Variants in SRD5A1 observed in about 807,000 individuals in gnomAD.
SRD5A1 encodes the protein steroid 5 alpha-reductase 1.
A neutral mutation model predicts 28.2 loss-of-function variants in SRD5A1; 22 were observed. The observed-to-expected ratio is 0.78, with a 90% confidence interval of 0.56 to 1.12. The LOEUF (loss-of-function observed/expected upper bound fraction) is 1.12, where lower values mean the gene tolerates loss of function less well. Ranked by LOEUF, SRD5A1 falls within the 50% of genes most tolerant of loss-of-function variation. The pLI, the probability that SRD5A1 is intolerant of heterozygous loss-of-function variation, is 0.00. For missense variants in SRD5A1, 300 were observed against 346.7 expected (o/e 0.87, Z 1.07); for synonymous variants, 151 against 135.0 (o/e 1.12, Z -0.82).
chr5:6,656,036 C>T (rs199556387), intron 2 of SRD5A1, 42 bp from the exon 3 acceptor site: 122 of 1,471,648 alleles, frequency 8.3e-5, no homozygotes, highest in South Asian at 3.2e-4. Flanking sequence ...TGAAATTTTA[C>T]GGTTTATTAG....
intron 1 of SRD5A1, among the ~76,000 whole-genome samples, chr5:6,650,807 C>T (rs1371875778): frequency 1.4e-5 from 2 of 143,862 alleles, no homozygotes; most frequent in African/African-American, 2.6e-5. Context: ...CCCCACCCCA[C>T]AACAGTCCCC....
At position 6,651,957 on chromosome 5, in the gene SRD5A1, C is replaced by G; in HGVS notation, c.409C>G (p.His137Asp). 8 of 1,614,148 alleles carry G rather than the reference C, an allele frequency of 5.0e-6. No homozygotes were observed. The highest frequency in any genetic ancestry group is 6.8e-6 in the Non-Finnish European group (8 of 1,180,004). ...NGYLQSRYLS[H>D]CAVYADDWVT... Reference sequence around the variant, plus strand: ...CTATTTGCAAAGCAGATACTTGAGCCATTGTGCAGTGTATGCTGATGACTG... The same window carrying G: ...CTATTTGCAAAGCAGATACTTGAGCGATTGTGCAGTGTATGCTGATGACTG... The change falls in exon 2 of 5, where the codon CAT becomes GAT. Residue 137 changes from histidine to aspartate, a missense_variant. Physicochemically the swap from His to Asp is moderately conservative, Grantham distance 81. Coordinates refer to ENST00000274192, the MANE Select transcript of SRD5A1 (RefSeq NM_001047.4).
intron 3 of SRD5A1, 81 bp downstream of exon 3, chr5:6,656,260 G>T (rs1252814893): frequency 9.0e-6 from 9 of 1,002,356 alleles, no homozygotes; most frequent in Non-Finnish European, 1.4e-5. Flanking sequence ...GCTCTAAGAA[G>T]TAGTAGCGTA....
In SRD5A1 at chr5:6,667,509, A is replaced by G. The variant is rs188248241; in HGVS notation, c.714-693A>G. 2.0e-3 allele frequency among the ~76,000 whole-genome samples: 310 copies of G among 152,274 alleles called. 4 individuals carry two copies. Among genetic ancestry groups the G allele is most frequent in the African/African-American group, 7.0e-3 (292 of 41,548 alleles). ...TTGTTTAATCTTTCTGTGTGTGTTT[A>G]TAGAAACTCCCTTTCTCCATCTTGT... On this transcript the variant is annotated intron_variant, in intron 4 of 4. Transcript: ENST00000274192.
chr5:6,664,832 C>T (rs893832174), intron 4 of SRD5A1, among the ~76,000 whole-genome samples: 3 of 152,224 alleles, frequency 2.0e-5, no homozygotes, highest in South Asian at 2.1e-4. Flanking sequence ...GAGGAGAGAG[C>T]GAGATCAGAG....
At chr5:6,650,411 GAAAA>G (rs563990147) in intron 1 of SRD5A1, among the ~76,000 whole-genome samples, 1 of 112,548 alleles carries the variant, frequency 8.9e-6, no homozygotes. Flanking sequence ...ACCCTGTCTT[GAAAA>G]AAAAAAAAAA....
At chr5:6,656,907 C>T (rs549242927) in intron 3 of SRD5A1, among the ~76,000 whole-genome samples, 4 of 152,000 alleles carry the variant, frequency 2.6e-5, no homozygotes, top group South Asian at 4.2e-4. Flanking sequence ...TGAGGGAGAG[C>T]GTAATTCAAC....
At position 6,648,493 on chromosome 5, in the gene SRD5A1, C is replaced by T. The variant is rs560591275; in HGVS notation, c.294-3349C>T. 1.2e-4 allele frequency among the ~76,000 whole-genome samples: 19 copies of T among 152,204 alleles called. No individual in the cohort carries two copies. In the South Asian group the frequency reaches 3.5e-3, roughly 28 times the overall value. On this transcript the variant is annotated intron_variant, in intron 1 of 4. Transcript: ENST00000274192. ...TGTTTCTTTTCACTCTAAGTCTTCT[C>T]GCTTTATTTCATTGAGTTGATCTTC...
chr5:6,663,733 G>A (rs995806043), intron 4 of SRD5A1, among the ~76,000 whole-genome samples: 4 of 151,996 alleles, frequency 2.6e-5, no homozygotes, highest in Non-Finnish European at 4.4e-5. Flanking sequence ...GGTGGCGGGC[G>A]CCTGTAATCC....
chr5:6,662,744 T>G (rs1739045840), intron 3 of SRD5A1, 72 bp from the exon 4 acceptor site: 2 of 1,517,816 alleles, frequency 1.3e-6, no homozygotes, highest in East Asian at 4.5e-5. Flanking sequence ...CAGGTAAGTA[T>G]TCACTAGCAT....
intron 1 of SRD5A1, among the ~76,000 whole-genome samples, chr5:6,644,526 G>A (rs8192177): frequency 2.6e-5 from 4 of 152,010 alleles, no homozygotes; most frequent in South Asian, 2.1e-4. Context: ...GCTCTTTGCC[G>A]CATTGAGAAT....
chr5:6,633,642 C>T lies in SRD5A1; in HGVS notation c.66C>T (p.Ala22=). 1 of 1,558,220 alleles carries T rather than the reference C, an allele frequency of 6.4e-7. No individual in the cohort carries two copies. The highest frequency in any genetic ancestry group is 1.1e-5 in the South Asian group (1 of 87,060). ...CCGCGCTCGCCTACCTGCAGTGCGC[C>T]GTGGGCTGCGCGGTCTTCGCGCGCA... ...LLAALAYLQC[A]VGCAVFARNR... The change falls in exon 1 of 5, where the codon GCC becomes GCT. Residue 22 remains alanine (A), a synonymous_variant. Transcript: ENST00000274192.
Position 6,673,498 on chromosome 5 carries a change from G to A in SRD5A1, c.*5230G>A, listed in dbSNP as rs1217911094. 1.3e-5 allele frequency: 2 copies of A among 152,202 alleles called. No homozygotes were observed. Among genetic ancestry groups the A allele is most frequent in the African/African-American group, 2.4e-5 (1 of 41,450 alleles). The allele number at this position is 152,202 out of a possible 1,614,324, so 9.4% of individuals were successfully genotyped here. ...ACGGCTGGTGGGGATGCAAAGTGGTGGAGCCACTTGGGAAGACAGTCTGGC... is the reference window on the plus strand; with the variant it reads ...ACGGCTGGTGGGGATGCAAAGTGGTAGAGCCACTTGGGAAGACAGTCTGGC... On this transcript the variant is annotated 3_prime_UTR_variant, in exon 5 of 5. Coordinates refer to ENST00000274192, the MANE Select transcript of SRD5A1 (RefSeq NM_001047.4).
chr5:6,642,479 CTG>C (rs1486838942), intron 1 of SRD5A1, among the ~76,000 whole-genome samples: 1 of 152,212 alleles, frequency 6.6e-6, no homozygotes, highest in Non-Finnish European at 1.5e-5. Flanking sequence ...GGTTCACACA[CTG>C]TATTTAAACT....
At chr5:6,654,250 T>A (rs1380146131) in intron 2 of SRD5A1, among the ~76,000 whole-genome samples, 2 of 151,346 alleles carry the variant, frequency 1.3e-5, no homozygotes, top group Admixed American at 1.3e-4. Flanking sequence ...AAAGACAGGG[T>A]TTCATCATGT....
Position 6,669,016 on chromosome 5 carries a change from G to A in SRD5A1, c.*748G>A, listed in dbSNP as rs1013131403. 1 of 152,244 alleles carries A rather than the reference G, an allele frequency of 6.6e-6. No homozygotes were observed. Among genetic ancestry groups the A allele is most frequent in the African/African-American group, 2.4e-5 (1 of 41,440 alleles). 9.4% of individuals were successfully genotyped at this position (152,244 alleles called of 1,614,324 possible). A position where few individuals can be genotyped will look rare whatever the true frequency, so the allele number is the denominator to read the frequency against. ...CTTTAGGCCATGGGTCACTCACCGT[G>A]AGCCATCAATGTGCTCTGGTCTGAC... On this transcript the variant is annotated 3_prime_UTR_variant, in exon 5 of 5. Coordinates refer to ENST00000274192, the MANE Select transcript of SRD5A1 (RefSeq NM_001047.4).
intron 1 of SRD5A1, among the ~76,000 whole-genome samples, chr5:6,644,375 C>T (rs1738447251): frequency 6.6e-6 from 1 of 152,158 alleles, no homozygotes. Flanking sequence ...TTATGTCTTG[C>T]TCTTTTTTTC....
intron 1 of SRD5A1, among the ~76,000 whole-genome samples, chr5:6,650,433 CTTA>C (rs1197676354): frequency 1.3e-5 from 2 of 151,412 alleles, no homozygotes; most frequent in Admixed American, 6.6e-5. Context: ...AAAAGAGTTC[CTTA>C]TTATCCTCTT....
intron 3 of SRD5A1, among the ~76,000 whole-genome samples, chr5:6,659,177 G>A (rs958825195): frequency 7.3e-5 from 11 of 151,190 alleles, no homozygotes; most frequent in African/African-American, 2.4e-4. Flanking sequence ...GCAGTGGCGC[G>A]ATCTCGGCTC....
Sources: gnomAD v4.1 joint callset for allele counts (sites outside exome capture counted in the v4.1 genomes callset) on GRCh38, gnomAD v4.1.1 for gene constraint, MANE v1.5 for transcripts, NCBI Gene and HGNC (gene_info 2026-07-23, HGNC 2026-07-21) for gene names.